LYG1: variants seen among roughly 807,000 people sequenced by gnomAD.
The protein encoded by LYG1 is lysozyme g-like protein 1.
Under a neutral mutation model 21.7 loss-of-function variants are expected in LYG1, and 17 were observed. The observed-to-expected ratio is 0.78, with a 90% CI of 0.54 to 1.18. The LOEUF is 1.18. Among genes scored for constraint, LYG1 ranks in the 50% most tolerant of loss-of-function variants. LYG1 has a pLI of 0.00. For missense variants in LYG1, 211 were observed against 238.1 expected, an observed-to-expected ratio of 0.89 and a Z score of 0.75; for synonymous variants, 81 against 87.4, an observed-to-expected ratio of 0.93 and a Z score of 0.41.
upstream of LYG1, among the ~76,000 whole-genome samples, chr2:99,301,526 T>G: frequency 4.6e-5 from 5 of 109,812 alleles, no homozygotes; most frequent in Non-Finnish European, 5.8e-5. Context: ...GGGAGGGAAT[T>G]GAACTTGGTG....
intron 5 of LYG1, 83 bp from the exon 6 acceptor site, chr2:99,284,903 A>G (rs2094093914): frequency 6.5e-7 from 1 of 1,527,884 alleles, no homozygotes; most frequent in Non-Finnish European, 8.9e-7. Flanking sequence ...GCGCTTGTTC[A>G]TTTCCTGTCT....
At chr2:99,291,111 G>C in intron 5 of LYG1, 126 bp downstream of exon 5, 1 of 830,252 alleles carries the variant, frequency 1.2e-6, no homozygotes. Flanking sequence ...AGGCAGAACT[G>C]TCACTGTCAC....
upstream of LYG1, among the ~76,000 whole-genome samples, chr2:99,304,475 AAAGTGGCTAAG>A (rs1232365523): frequency 4.6e-5 from 7 of 152,206 alleles, no homozygotes; most frequent in Non-Finnish European, 1.5e-5. Context: ...CAGCAGCATG[AAAGTGGCTAAG>A]AGAAAAAGGA....
chr2:99,286,500 T>C, intron 5 of LYG1, among the ~76,000 whole-genome samples: 1 of 151,986 alleles, frequency 6.6e-6, no homozygotes, highest in East Asian at 1.9e-4. Flanking sequence ...AGGCAGGAGT[T>C]TGAGACCTGC....
chr2:99,299,191 T>C (rs1197236111), intron 1 of LYG1, among the ~76,000 whole-genome samples: 2 of 152,018 alleles, frequency 1.3e-5, no homozygotes, highest in Non-Finnish European at 2.9e-5. Flanking sequence ...CCTCCCAAAA[T>C]GCTGGGATCA....
chr2:99,298,702 A>T (rs2094144638), intron 1 of LYG1, among the ~76,000 whole-genome samples, 153 bp from the exon 2 acceptor site: 1 of 152,028 alleles, frequency 6.6e-6, no homozygotes, highest in Non-Finnish European at 1.5e-5. Context: ...TAACACCTCA[A>T]CGTGCCCAAT....
At chr2:99,299,090 C>T (rs1328693337) in intron 1 of LYG1, among the ~76,000 whole-genome samples, 2 of 151,688 alleles carry the variant, frequency 1.3e-5, no homozygotes, top group Non-Finnish European at 2.9e-5. Flanking sequence ...CCACGCCCAG[C>T]TAATTTTTGT....
intron 6 of LYG1, 85 bp from the exon 7 acceptor site, chr2:99,284,596 C>T (rs2094091795): frequency 1.3e-6 from 2 of 1,590,786 alleles, no homozygotes; most frequent in African/African-American, 2.7e-5. Context: ...TAACAGGAGG[C>T]AGCTGGAGTT....
Position 99,301,154 on chromosome 2 carries a change from A to T in LYG1, c.-228T>A, listed in dbSNP as rs2094152649. 1 of 151,534 alleles carries T rather than the reference A, an allele frequency of 6.6e-6. No individual in the cohort carries two copies. The allele number at this position is 151,534 out of a possible 1,614,324, so 9.4% of individuals were successfully genotyped here. ...GTTCATCTCATCCTATTTTGGAGAG[A>T]TTTATGACATCTCATAAATTATAAT... On this transcript the variant is annotated 5_prime_UTR_variant, in exon 1 of 7. Coordinates refer to ENST00000308528, the MANE Select transcript of LYG1 (RefSeq NM_174898.3).
At chr2:99,304,399 A>C (rs7579171), upstream of LYG1, among the ~76,000 whole-genome samples, 126,388 of 152,178 alleles carry the variant, frequency 0.83, 53,084 homozygotes, top group Middle Eastern at 0.97. Flanking sequence ...TCCCCAGACA[A>C]GTGGAACTGT....
At chr2:99,285,542 T>G (rs2094096761) in intron 5 of LYG1, among the ~76,000 whole-genome samples, 2 of 152,252 alleles carry the variant, frequency 1.3e-5, no homozygotes, top group African/African-American at 4.8e-5. Flanking sequence ...ATTAAAATGC[T>G]GAGACACGCG....
intron 3 of LYG1, among the ~76,000 whole-genome samples, chr2:99,295,017 G>A (rs1341776774): frequency 6.6e-6 from 1 of 152,106 alleles, no homozygotes. Flanking sequence ...CAGGAGAATC[G>A]CTTGAAACCG....
chr2:99,303,744 C>T (rs1452702515), upstream of LYG1, among the ~76,000 whole-genome samples: 3 of 152,314 alleles, frequency 2.0e-5, no homozygotes, highest in Non-Finnish European at 4.4e-5. Flanking sequence ...GAAATCTCAT[C>T]TCAAATTGTA....
intron 1 of LYG1, among the ~76,000 whole-genome samples, chr2:99,299,776 TTTTA>T (rs1453762025): frequency 6.6e-6 from 1 of 151,734 alleles, no homozygotes; most frequent in African/African-American, 2.4e-5. Context: ...ATTTTTGTTT[TTTTA>T]AAATTTTTAA....
chr2:99,296,206 T>G (rs1433740786), intron 2 of LYG1, among the ~76,000 whole-genome samples: 4 of 152,084 alleles, frequency 2.6e-5, no homozygotes, highest in Non-Finnish European at 5.9e-5. Context: ...TTGGAAGACG[T>G]TTCCCACTGC....
intron 5 of LYG1, among the ~76,000 whole-genome samples, chr2:99,286,752 T>A (rs377505892): frequency 6.6e-6 from 1 of 152,090 alleles, no homozygotes; most frequent in African/African-American, 2.4e-5. Flanking sequence ...GATTTAGTAA[T>A]CCCCTTTCTG....
At chr2:99,289,383 G>A (rs1235792868) in intron 5 of LYG1, among the ~76,000 whole-genome samples, 3 of 151,534 alleles carry the variant, frequency 2.0e-5, no homozygotes, top group Admixed American at 1.3e-4. Context: ...GTGAGCCCAG[G>A]AGGCAGAGGT....
At chr2:99,288,642 C>T (rs1305661053) in intron 5 of LYG1, among the ~76,000 whole-genome samples, 3 of 152,170 alleles carry the variant, frequency 2.0e-5, no homozygotes, top group African/African-American at 7.2e-5. Context: ...GATTTCAGCT[C>T]ACTGCAACCT....
At chr2:99,299,576 C>T (rs1262704955) in intron 1 of LYG1, among the ~76,000 whole-genome samples, 1 of 151,442 alleles carries the variant, frequency 6.6e-6, no homozygotes, top group Non-Finnish European at 1.5e-5. Flanking sequence ...AGCCCTGTGC[C>T]ACCACGCCCA....
Sources: allele counts gnomAD v4.1 joint callset (sites outside exome capture counted in the v4.1 genomes callset), GRCh38; gene constraint gnomAD v4.1.1; transcripts MANE v1.5; gene names NCBI Gene and HGNC (gene_info 2026-07-23, HGNC 2026-07-21).